Variants in STKLD1 observed in about 807,000 individuals in gnomAD.
STKLD1 encodes serine/threonine kinase-like domain-containing protein STKLD1.
STKLD1 carries 79 observed loss-of-function variants against 80.4 expected under a neutral mutation model. The ratio of observed to expected loss-of-function variants is 0.98; its 90% CI spans 0.82 to 1.19. The LOEUF is 1.19. Ranked by LOEUF, STKLD1 falls within the 50% of genes most tolerant of loss-of-function variation. STKLD1 has a pLI of 0.00. For synonymous variants in STKLD1, 393 were observed against 357.6 expected (o/e 1.10, Z -1.12); for missense variants, 841 against 856.0 (o/e 0.98, Z 0.22).
At chr9:133,397,827 G>A in intron 10 of STKLD1, 145 bp from the exon 11 acceptor site, 1 of 637,586 alleles carries the variant, frequency 1.6e-6, no homozygotes, top group East Asian at 2.8e-5. Flanking sequence ...AGTGGGGATG[G>A]TAACAGCCCC....
chr9:133,377,773 C>G (rs1005934547), intron 1 of STKLD1, among the ~76,000 whole-genome samples: 2 of 152,084 alleles, frequency 1.3e-5, no homozygotes, highest in African/African-American at 4.8e-5. Flanking sequence ...TGGGATGATT[C>G]AAGCACATTA....
Position 133,397,311 on chromosome 9 carries a change from A to G in STKLD1, c.997+17A>G, listed in dbSNP as rs782755507. 3 of 1,612,236 alleles carry G rather than the reference A, an allele frequency of 1.9e-6. No homozygotes were observed. In the South Asian group the frequency reaches 3.3e-5, roughly 18 times the overall value. On this transcript the variant is annotated intron_variant, in intron 10 of 17. Coordinates refer to ENST00000371957, the MANE Select transcript of STKLD1 (RefSeq NM_153710.5). ...GCATTTTAGGTGATGCTGGGGACAC[A>G]AAGGGGGAGCGTGCCCTGAAGCTCC...
At chr9:133,398,322 A>G (rs185814234) in intron 11 of STKLD1, among the ~76,000 whole-genome samples, 9 of 152,280 alleles carry the variant, frequency 5.9e-5, no homozygotes, top group African/African-American at 2.2e-4. Flanking sequence ...CACTGTCCCT[A>G]TGAGGGGTAT....
rs2130248793 is a variant in STKLD1 at position 133,376,519 on chromosome 9, C to G, written c.46C>G (p.Arg16Gly). 2 of 1,601,048 alleles carry G rather than the reference C, an allele frequency of 1.2e-6. No individual in the cohort carries two copies. Among genetic ancestry groups the G allele is most frequent in the East Asian group, 2.3e-5 (1 of 43,584 alleles). Reference sequence around the variant, plus strand: ...TCGCAGGCGCCCCACGCAGGGGGAGCGAGGCCCAGGGTCCCCCGGAGAGCC... The same window carrying G: ...TCGCAGGCGCCCCACGCAGGGGGAGGGAGGCCCAGGGTCCCCCGGAGAGCC... ...SNRRRPTQGE[R>G]GPGSPGEPME... Residue 16 changes from arginine (R) to glycine (G), a missense_variant, in exon 1 of 18, where the codon CGA becomes GGA. By Grantham distance (125) the Arg-to-Gly change is moderately radical. Coordinates refer to ENST00000371957, the MANE Select transcript of STKLD1 (RefSeq NM_153710.5).
At position 133,390,703 on chromosome 9, in the gene STKLD1, ATCC is replaced by A. The variant is rs2130287109; in HGVS notation, c.493_495del (p.Leu165del). 1 of 1,613,748 alleles carries A rather than the reference ATCC, an allele frequency of 6.2e-7. No homozygotes were observed. The highest frequency in any genetic ancestry group is 1.1e-5 in the South Asian group (1 of 91,066). On this transcript the variant is annotated inframe_deletion, in exon 7 of 18. Transcript: ENST00000371957. This position sits in a 1 kb window ranked among gnomAD's most constrained non-coding sequence, Gnocchi z 5.1. ...CAGGAATCTCAAACCCTCCAACATC[ATCC>A]TCATCAGCAGTGACCACTGCAAACT...
chr9:133,398,210 C>T (rs1838612179), intron 11 of STKLD1, among the ~76,000 whole-genome samples, 155 bp downstream of exon 11: 2 of 152,294 alleles, frequency 1.3e-5, no homozygotes, highest in Admixed American at 6.5e-5. Flanking sequence ...AGAAGAGTCC[C>T]GTGTCTCTGC....
intron 5 of STKLD1, chr9:133,387,962 C>T (rs1204508284): frequency 2.7e-5 from 11 of 414,404 alleles, no homozygotes; most frequent in African/African-American, 2.0e-4. Flanking sequence ...TGCTTGCTGC[C>T]ACTCTGCTGC....
In STKLD1 at chr9:133,390,861, C is replaced by A; in HGVS notation, c.583+65C>A. The A allele has an allele frequency of 1.6e-6, 2 of 1,263,424 alleles. No homozygotes were observed. The highest frequency in any genetic ancestry group is 2.3e-6 in the Non-Finnish European group (2 of 863,122). The allele number at this position is 1,263,424 out of a possible 1,614,324, so 78.3% of individuals were successfully genotyped here. On this transcript the variant is annotated intron_variant, in intron 7 of 17. Coordinates refer to ENST00000371957, the MANE Select transcript of STKLD1 (RefSeq NM_153710.5). The surrounding 1 kb of genome is among the most constrained non-coding windows in gnomAD (Gnocchi z 5.1). Reference sequence around the variant, plus strand: ...CGCCTAGAATCCAGGCGGCGTTGGCCACTCTGGGTGCTGGAGTGAGGCAAC... The same window carrying A: ...CGCCTAGAATCCAGGCGGCGTTGGCAACTCTGGGTGCTGGAGTGAGGCAAC...
At position 133,385,526 on chromosome 9, in the gene STKLD1, A is replaced by G. The variant is rs1054646801; in HGVS notation, c.220-91A>G. 10 of 1,322,654 alleles carry G rather than the reference A, an allele frequency of 7.6e-6. No homozygotes were observed. Among genetic ancestry groups the G allele is most frequent in the African/African-American group, 5.7e-5 (4 of 69,656 alleles). The allele number at this position is 1,322,654 out of a possible 1,614,324, so 81.9% of individuals were successfully genotyped here. ...GCCCAGCTCAGAGCCCGAGGCTTGCATGTTTGTTGGGATGTGTGACAGAGA... is the reference window on the plus strand; with the variant it reads ...GCCCAGCTCAGAGCCCGAGGCTTGCGTGTTTGTTGGGATGTGTGACAGAGA... On this transcript the variant is annotated intron_variant, in intron 3 of 17. Transcript: ENST00000371957. This position sits in a 1 kb window ranked among gnomAD's most constrained non-coding sequence, Gnocchi z 4.9.
chr9:133,377,261 GA>G lies in STKLD1; in HGVS notation c.87+710del, dbSNP rs921648619. Among the ~76,000 whole-genome samples the G allele has an allele frequency of 5.2e-4, 78 of 150,932 alleles. 1 individual carries two copies. The highest frequency in any genetic ancestry group is 1.7e-3 in the African/African-American group (72 of 41,152). On this transcript the variant is annotated intron_variant, in intron 1 of 17. Transcript: ENST00000371957. ...CGTTTCAGGAATATACCTGCTTTTG[GA>G]AAAAAAAATAGACTTGATTCGAGAT... is the stretch of plus-strand genomic sequence containing the variant.
intron 2 of STKLD1, among the ~76,000 whole-genome samples, chr9:133,381,526 C>T (rs1253128544): frequency 2.7e-5 from 4 of 149,962 alleles, no homozygotes; most frequent in Non-Finnish European, 4.4e-5. Context: ...TCTCGGCACA[C>T]TGCAACCCCC....
chr9:133,401,671 C>T (rs1838709743), intron 12 of STKLD1, 67 bp from the exon 13 acceptor site: 1 of 1,283,402 alleles, frequency 7.8e-7, no homozygotes, highest in Non-Finnish European at 1.1e-6. Flanking sequence ...GCCTGTGAGC[C>T]TTGTGTGTCT....
At chr9:133,396,530 G>C (rs1374381387) in intron 9 of STKLD1, among the ~76,000 whole-genome samples, 1 of 152,080 alleles carries the variant, frequency 6.6e-6, no homozygotes, top group Non-Finnish European at 1.5e-5. Flanking sequence ...GAGGTGGGTG[G>C]ATCACTTGAA....
chr9:133,404,464 C>T (rs1554778288), intron 16 of STKLD1, among the ~76,000 whole-genome samples: 4 of 152,236 alleles, frequency 2.6e-5, no homozygotes, highest in African/African-American at 9.6e-5. Context: ...CACAGTCCTT[C>T]AGAGAGCATC....
At position 133,404,305 on chromosome 9, in the gene STKLD1, G is replaced by C. The variant is rs186469807; in HGVS notation, c.1732+257G>C. On this transcript the variant is annotated intron_variant, in intron 16 of 17. Coordinates refer to ENST00000371957, the MANE Select transcript of STKLD1 (RefSeq NM_153710.5). ...TCCATAAACACATCACATCTGCACA[G>C]GTTTCCTAACATGCAGGCACACCGT... Among the ~76,000 whole-genome samples the C allele has an allele frequency of 4.5e-3, 686 of 152,246 alleles. 5 individuals are homozygous for C. The highest frequency in any genetic ancestry group is 7.3e-3 in the Non-Finnish European group (494 of 68,026).
intron 2 of STKLD1, among the ~76,000 whole-genome samples, chr9:133,381,642 G>A (rs2130266745): frequency 9.3e-5 from 13 of 139,858 alleles, no homozygotes; most frequent in African/African-American, 3.2e-4. Context: ...TAGAGACAGG[G>A]TTTCTCCATA....
At position 133,404,042 on chromosome 9, in the gene STKLD1, G is replaced by T; in HGVS notation, c.1726G>T (p.Val576Leu). ...CCGGGGACTGGCCAGCCTGGTGAAG[G>T]TGTCAGGTGAGCCTGGGGACAGGAC... ...AYRGLASLVK[V>L]SELAAFKVVV... Residue 576 changes from valine (V) to leucine (L), a missense_variant, in exon 16 of 18, where the codon GTG becomes TTG. Transcript: ENST00000371957. 1 of 1,603,270 alleles carries T rather than the reference G, an allele frequency of 6.2e-7. No homozygotes were observed. Among genetic ancestry groups the T allele is most frequent in the Non-Finnish European group, 8.5e-7 (1 of 1,175,068 alleles).
At position 133,390,621 on chromosome 9, in the gene STKLD1, G is replaced by A; in HGVS notation, c.468-60G>A. 1 of 1,292,286 alleles carries A rather than the reference G, an allele frequency of 7.7e-7. No individual in the cohort carries two copies. 80.1% of individuals were successfully genotyped at this position (1,292,286 alleles called of 1,614,324 possible). ...CACACTGGTCCCACCTGGGGTTGTG[G>A]GTGGTGGCTGCCCAGGTGGCCCCTT... On this transcript the variant is annotated intron_variant, in intron 6 of 17. Coordinates refer to ENST00000371957, the MANE Select transcript of STKLD1 (RefSeq NM_153710.5). This position sits in a 1 kb window ranked among gnomAD's most constrained non-coding sequence, Gnocchi z 5.1.
chr9:133,405,085 C>T (rs782332909), intron 17 of STKLD1, among the ~76,000 whole-genome samples, 156 bp downstream of exon 17: 29 of 152,246 alleles, frequency 1.9e-4, no homozygotes, highest in Non-Finnish European at 3.4e-4. Context: ...CTTCTGAGCA[C>T]CAGGGGTTGT....
Sources: allele counts gnomAD v4.1 joint callset (sites outside exome capture counted in the v4.1 genomes callset), GRCh38; gene constraint gnomAD v4.1.1; non-coding constraint Gnocchi (gnomAD v3.1); transcripts MANE v1.5; gene names NCBI Gene and HGNC (gene_info 2026-07-23, HGNC 2026-07-21).